AGO2: variants seen among roughly 807,000 people sequenced by gnomAD.
AGO2 encodes argonaute RISC catalytic component 2, also known as protein argonaute-2.
A neutral mutation model predicts 102.3 loss-of-function variants in AGO2; 5 were observed. The ratio of observed to expected loss-of-function variants is 0.05; its 90% CI spans 0.03 to 0.10. AGO2 has a LOEUF of 0.10. Ranked by LOEUF, AGO2 falls within the 10% of genes least tolerant of loss-of-function variation. The pLI is 1.00. For missense variants in AGO2, 541 were observed against 1,183.7 expected, an observed-to-expected ratio of 0.46 and a Z score of 7.97; for synonymous variants, 449 against 473.1, an observed-to-expected ratio of 0.95 and a Z score of 0.66.
chr8:140,570,457 T>A (rs896659804), intron 3 of AGO2, among the ~76,000 whole-genome samples: 1 of 152,196 alleles, frequency 6.6e-6, no homozygotes, highest in Non-Finnish European at 1.5e-5. Context: ...CTCGTACTCC[T>A]GGCCTCAAGT....
intron 10 of AGO2, among the ~76,000 whole-genome samples, chr8:140,554,187 T>C (rs1442206787): frequency 6.6e-6 from 1 of 152,226 alleles, no homozygotes; most frequent in Non-Finnish European, 1.5e-5. Context: ...GGCACTCCTC[T>C]TGCCCTCCCG....
intron 1 of AGO2, among the ~76,000 whole-genome samples, chr8:140,586,817 C>A (rs1391583018): frequency 6.6e-6 from 1 of 152,150 alleles, no homozygotes; most frequent in Non-Finnish European, 1.5e-5. Context: ...TCCCAGGAAA[C>A]GTCTAGGACA....
intron 1 of AGO2, among the ~76,000 whole-genome samples, chr8:140,594,825 CTGTGTGTGTGTGTG>C (rs56012516): frequency 2.1e-4 from 31 of 146,128 alleles, no homozygotes; most frequent in South Asian, 6.6e-4. Flanking sequence ...AAGAAAAAAA[CTGTGTGTGTGTGTG>C]TGTGTGTGTG....
intron 3 of AGO2, among the ~76,000 whole-genome samples, chr8:140,563,071 C>A (rs2073228621): frequency 6.6e-6 from 1 of 152,208 alleles, no homozygotes; most frequent in Non-Finnish European, 1.5e-5. Context: ...GGCCCTCATA[C>A]CTCCAAATAT....
At chr8:140,546,482 A>G (rs1001880380) in intron 13 of AGO2, among the ~76,000 whole-genome samples, 1 of 152,220 alleles carries the variant, frequency 6.6e-6, no homozygotes, top group Admixed American at 6.5e-5. Flanking sequence ...AGGCCTGTGC[A>G]CACAGCAGGG....
At chr8:140,604,218 G>A (rs1425192704) in intron 1 of AGO2, among the ~76,000 whole-genome samples, 4 of 152,220 alleles carry the variant, frequency 2.6e-5, no homozygotes, top group Non-Finnish European at 5.9e-5. Context: ...TGAGTGCAGC[G>A]TGCTGTGTAC....
chr8:140,596,918 G>A (rs547155811), intron 1 of AGO2, among the ~76,000 whole-genome samples: 165 of 152,318 alleles, frequency 1.1e-3, no homozygotes, highest in Non-Finnish European at 2.0e-3. Context: ...CTCCCCTGGT[G>A]CCCACCAGCC....
intron 3 of AGO2, among the ~76,000 whole-genome samples, chr8:140,566,597 ACTTT>A (rs1410055216): frequency 5.3e-5 from 7 of 130,872 alleles, no homozygotes; most frequent in African/African-American, 5.6e-5. Context: ...TCCCCCCTTT[ACTTT>A]CTTTTTTTTT....
At chr8:140,560,005 G>A (rs2073170376) in intron 5 of AGO2, among the ~76,000 whole-genome samples, 1 of 152,332 alleles carries the variant, frequency 6.6e-6, no homozygotes, top group South Asian at 2.1e-4. Context: ...TTCACAGAGA[G>A]GGCAGCGGAT....
intron 1 of AGO2, among the ~76,000 whole-genome samples, chr8:140,603,726 C>G (rs2073960104): frequency 6.6e-6 from 1 of 152,376 alleles, no homozygotes; most frequent in African/African-American, 2.4e-5. Context: ...ATTTAACAGA[C>G]TCCCTCAAGA....
At chr8:140,620,128 A>AG (rs1286976475) in intron 1 of AGO2, among the ~76,000 whole-genome samples, 4 of 152,200 alleles carry the variant, frequency 2.6e-5, no homozygotes, top group Non-Finnish European at 5.9e-5. Context: ...GGCTACCTGA[A>AG]GGGGTCCCAC....
chr8:140,596,141 CA>C (rs2073840598), intron 1 of AGO2, among the ~76,000 whole-genome samples: 1 of 150,678 alleles, frequency 6.6e-6, no homozygotes, highest in African/African-American at 2.4e-5. Context: ...AGCCACTGCA[CA>C]TGGCCTGTGC....
intron 1 of AGO2, among the ~76,000 whole-genome samples, chr8:140,629,433 G>A (rs2152110821): frequency 6.6e-6 from 1 of 152,300 alleles, no homozygotes; most frequent in African/African-American, 2.4e-5. Flanking sequence ...TAGTCATCCA[G>A]GCCAAAGTCC....
intron 2 of AGO2, among the ~76,000 whole-genome samples, chr8:140,576,291 G>T (rs1234107189): frequency 6.6e-6 from 1 of 152,204 alleles, no homozygotes; most frequent in Non-Finnish European, 1.5e-5. Flanking sequence ...TCCAGCCTGG[G>T]CATGACAGAG....
At chr8:140,587,894 T>C (rs1380593083) in intron 1 of AGO2, among the ~76,000 whole-genome samples, 1 of 152,130 alleles carries the variant, frequency 6.6e-6, no homozygotes, top group African/African-American at 2.4e-5. Flanking sequence ...CACACTGGCA[T>C]TCACGGAGCA....
At chr8:140,551,170 A>T in intron 11 of AGO2, 133 bp downstream of exon 11, 1 of 1,111,914 alleles carries the variant, frequency 9.0e-7, no homozygotes. Flanking sequence ...GGAAAGGCTG[A>T]TGAACCCTGA....
intron 1 of AGO2, among the ~76,000 whole-genome samples, chr8:140,612,994 T>C (rs1289173095): frequency 6.6e-6 from 1 of 151,840 alleles, no homozygotes; most frequent in African/African-American, 2.4e-5. Context: ...GGTCAGGAGA[T>C]CGACACCATC....
chr8:140,556,519 G>A (rs1380562930), intron 8 of AGO2, among the ~76,000 whole-genome samples: 3 of 152,064 alleles, frequency 2.0e-5, no homozygotes, highest in South Asian at 2.1e-4. Flanking sequence ...GAGACCCCAC[G>A]GCCTCTGTGC....
intron 1 of AGO2, among the ~76,000 whole-genome samples, chr8:140,590,011 T>C (rs991978412): frequency 6.6e-6 from 1 of 152,218 alleles, no homozygotes; most frequent in Non-Finnish European, 1.5e-5. Context: ...GGTCTCAGAA[T>C]GTGTGCTGGG....
Sources: gnomAD v4.1 joint callset for allele counts (sites outside exome capture counted in the v4.1 genomes callset) on GRCh38, gnomAD v4.1.1 for gene constraint, MANE v1.5 for transcripts, NCBI Gene and HGNC (gene_info 2026-07-23, HGNC 2026-07-21) for gene names.